Variants in SFXN5 observed in about 807,000 individuals in gnomAD.
The protein encoded by SFXN5 is sideroflexin-5.
SFXN5 carries 43 observed loss-of-function variants against 50.2 expected under a neutral mutation model. The ratio of observed to expected loss-of-function variants is 0.86; its 90% CI spans 0.67 to 1.11. SFXN5 has a LOEUF of 1.11. Among genes scored for constraint, SFXN5 ranks in the 50% least tolerant of loss-of-function variants. The probability of loss-of-function intolerance (pLI) is 0.00; values close to 1 mark genes in which losing one functional copy is unlikely to be tolerated. For missense variants in SFXN5, 463 were observed against 454.1 expected, an observed-to-expected ratio of 1.02 and a Z score of -0.18; for synonymous variants, 203 against 185.8, an observed-to-expected ratio of 1.09 and a Z score of -0.75.
At chr2:73,035,493 C>CTTTTTTT (rs761321478) in intron 3 of SFXN5, among the ~76,000 whole-genome samples, 8 of 101,848 alleles carry the variant, frequency 7.9e-5, no homozygotes, top group Admixed American at 1.2e-4. Context: ...GTATCGCAAT[C>CTTTTTTT]TTTTTTTTTT....
At chr2:73,008,324 C>A (rs1365935792) in intron 6 of SFXN5, among the ~76,000 whole-genome samples, 1 of 152,168 alleles carries the variant, frequency 6.6e-6, no homozygotes, top group Non-Finnish European at 1.5e-5. Flanking sequence ...GCATTTGGTC[C>A]CTAAGTTTTG....
At chr2:73,050,432 T>G (rs928082601) in intron 2 of SFXN5, among the ~76,000 whole-genome samples, 1 of 106,312 alleles carries the variant, frequency 9.4e-6, no homozygotes, top group African/African-American at 4.9e-5. Context: ...CCCTGCAGAG[T>G]TAGCACCACA....
At chr2:73,028,308 C>T (rs866662883) in intron 3 of SFXN5, among the ~76,000 whole-genome samples, 2 of 152,182 alleles carry the variant, frequency 1.3e-5, no homozygotes, top group Admixed American at 1.3e-4. Flanking sequence ...GCTGGCGGCC[C>T]GGACCCTCAG....
intron 1 of SFXN5, among the ~76,000 whole-genome samples, chr2:73,062,160 T>A (rs1003001279): frequency 4.6e-5 from 7 of 152,180 alleles, no homozygotes; most frequent in Non-Finnish European, 1.0e-4. Context: ...TTTTAAGTAT[T>A]ATACTTGATT....
intron 6 of SFXN5, among the ~76,000 whole-genome samples, chr2:73,003,343 C>G (rs759202946): frequency 6.6e-6 from 1 of 152,200 alleles, no homozygotes; most frequent in Non-Finnish European, 1.5e-5. Context: ...ACTTACCCCT[C>G]GAACTGTACT....
intron 10 of SFXN5, among the ~76,000 whole-genome samples, chr2:72,983,020 G>A (rs72918396): frequency 0.054 from 8,228 of 152,318 alleles, 714 homozygotes; most frequent in African/African-American, 0.18. Context: ...TGCCACAGGT[G>A]CACACTGCTG....
At chr2:73,056,226 C>T (rs760992640) in intron 2 of SFXN5, among the ~76,000 whole-genome samples, 6 of 151,806 alleles carry the variant, frequency 4.0e-5, no homozygotes, top group Non-Finnish European at 8.8e-5. Context: ...ATAAAAAGTC[C>T]GTCAAATTAG....
At chr2:72,962,344 A>G (rs963272653) in intron 12 of SFXN5, among the ~76,000 whole-genome samples, 1 of 152,378 alleles carries the variant, frequency 6.6e-6, no homozygotes, top group Admixed American at 6.5e-5. Flanking sequence ...CAGAGCCCCA[A>G]TGTGGCGGGC....
intron 3 of SFXN5, among the ~76,000 whole-genome samples, chr2:73,026,767 T>A (rs574304344): frequency 2.5e-4 from 38 of 152,122 alleles, no homozygotes; most frequent in African/African-American, 9.2e-4. Context: ...TCACTCTTGT[T>A]GCCCAGGCTG....
intron 9 of SFXN5, among the ~76,000 whole-genome samples, chr2:72,989,448 T>G (rs1672307713): frequency 6.6e-6 from 1 of 151,980 alleles, no homozygotes; most frequent in African/African-American, 2.4e-5. Context: ...ATGTAAGTGG[T>G]GGGTGTGAGC....
intron 1 of SFXN5, among the ~76,000 whole-genome samples, chr2:73,066,079 C>G (rs1683157672): frequency 6.6e-6 from 1 of 152,162 alleles, no homozygotes; most frequent in Non-Finnish European, 1.5e-5. Context: ...TTTCACTAGG[C>G]AGCTGGAGTA....
chr2:73,047,823 C>G (rs1680711307), intron 2 of SFXN5, among the ~76,000 whole-genome samples: 1 of 152,124 alleles, frequency 6.6e-6, no homozygotes, highest in African/African-American at 2.4e-5. Context: ...AAATATTTAT[C>G]TAAAGTCTTT....
In SFXN5 at chr2:73,035,283, A is replaced by G. The variant is rs558702437; in HGVS notation, c.249+5571T>C. Among the ~76,000 whole-genome samples, 6 of 152,294 alleles carry G rather than the reference A, an allele frequency of 3.9e-5. No homozygotes were observed. The East Asian group carries it at 1.2e-3, about 29-fold the overall frequency. On this transcript the variant is annotated intron_variant, in intron 3 of 13. Coordinates refer to ENST00000272433, the MANE Select transcript of SFXN5 (RefSeq NM_144579.3). ...TCATTCTGGCAAAGCCCCAGCATAT[A>G]CAAGTGTACAGATCAGAGTCAACAT...
At chr2:72,996,869 C>A (rs1450122764) in intron 9 of SFXN5, 1 of 152,104 alleles carries the variant, frequency 6.6e-6, no homozygotes, top group African/African-American at 2.4e-5. Context: ...GCCCCTGAGT[C>A]TCAAAAAAAG....
intron 9 of SFXN5, chr2:72,997,359 T>C (rs1296257738): frequency 6.6e-6 from 1 of 152,210 alleles, no homozygotes; most frequent in East Asian, 1.9e-4. Flanking sequence ...TTAATGGCAC[T>C]GGAAAGATGA....
At chr2:73,061,857 T>C (rs750619503) in intron 1 of SFXN5, among the ~76,000 whole-genome samples, 4 of 152,234 alleles carry the variant, frequency 2.6e-5, no homozygotes, top group Non-Finnish European at 5.9e-5. Context: ...GGCTTGCTCC[T>C]ATAATCCCAG....
chr2:73,026,908 T>C (rs1476321790), intron 3 of SFXN5, among the ~76,000 whole-genome samples: 3 of 151,952 alleles, frequency 2.0e-5, no homozygotes, highest in Non-Finnish European at 2.9e-5. Context: ...TTTGTATTTT[T>C]AGTAGAGATG....
chr2:73,013,189 A>T (rs1675749594), intron 6 of SFXN5, among the ~76,000 whole-genome samples: 3 of 152,168 alleles, frequency 2.0e-5, no homozygotes, highest in Non-Finnish European at 4.4e-5. Context: ...TGTTTCTCAA[A>T]CTGAGTTAAA....
At chr2:73,025,325 C>G (rs1249902017) in intron 3 of SFXN5, among the ~76,000 whole-genome samples, 3 of 152,136 alleles carry the variant, frequency 2.0e-5, no homozygotes, top group East Asian at 1.9e-4. Context: ...ATCCTCCCAC[C>G]TCTGGATTCA....
Sources: gnomAD v4.1 joint callset for allele counts (sites outside exome capture counted in the v4.1 genomes callset) on GRCh38, gnomAD v4.1.1 for gene constraint, MANE v1.5 for transcripts, NCBI Gene and HGNC (gene_info 2026-07-23, HGNC 2026-07-21) for gene names.